The following VWCE variants were observed in gnomAD, a reference collection of about 807,000 sequenced individuals.
VWCE encodes von Willebrand factor C and EGF domain-containing protein.
A neutral mutation model predicts 102.9 loss-of-function variants in VWCE; 68 were observed. The observed-to-expected ratio is 0.66, with a 90% CI of 0.54 to 0.81. The LOEUF (loss-of-function observed/expected upper bound fraction) is 0.81, where lower values mean the gene tolerates loss of function less well. VWCE is among the 30% of genes least tolerant of loss of function. The pLI, the probability that VWCE is intolerant of heterozygous loss-of-function variation, is 0.00. For synonymous variants in VWCE, 497 were observed against 515.4 expected (o/e 0.96, Z 0.48); for missense variants, 1,137 against 1,263.6 (o/e 0.90, Z 1.52).
At chr11:61,270,267 G>A (rs764417234) in intron 14 of VWCE, among the ~76,000 whole-genome samples, 3 of 152,142 alleles carry the variant, frequency 2.0e-5, no homozygotes, top group Non-Finnish European at 4.4e-5. Flanking sequence ...CTAGAAGGCT[G>A]GGCTTCTCCC....
At chr11:61,292,185 T>C (rs1855525069) in intron 1 of VWCE, among the ~76,000 whole-genome samples, 2 of 150,930 alleles carry the variant, frequency 1.3e-5, no homozygotes, top group South Asian at 4.2e-4. Flanking sequence ...TTGGCGCCAC[T>C]GCCCTTCAGC....
At chr11:61,289,457 C>G (rs551770873) in intron 4 of VWCE, among the ~76,000 whole-genome samples, 1 of 151,802 alleles carries the variant, frequency 6.6e-6, no homozygotes, top group African/African-American at 2.4e-5. Context: ...ACCATGTTGG[C>G]CAGGCTGGTC....
intron 19 of VWCE, among the ~76,000 whole-genome samples, chr11:61,259,633 A>G (rs967893866): frequency 3.9e-5 from 6 of 152,198 alleles, no homozygotes; most frequent in East Asian, 1.9e-4. Flanking sequence ...CTAAACCTCA[A>G]TGTGAACTAT....
chr11:61,291,712 C>T (rs1855507455), intron 1 of VWCE, 136 bp from the exon 2 acceptor site: 1 of 737,334 alleles, frequency 1.4e-6, no homozygotes, highest in African/African-American at 1.8e-5. Flanking sequence ...TGGGAAGTTT[C>T]CAAAGAAAAA....
intron 14 of VWCE, among the ~76,000 whole-genome samples, chr11:61,270,912 C>T (rs955406501): frequency 6.6e-6 from 1 of 151,268 alleles, no homozygotes; most frequent in African/African-American, 2.4e-5. Context: ...ACTGCAGCCT[C>T]GACCTCCTGG....
rs1195842879 is a variant in VWCE, at chr11:61,280,833, C to T, written c.1190G>A (p.Ser397Asn). 2 of 1,557,222 alleles carry T rather than the reference C, an allele frequency of 1.3e-6. No homozygotes were observed. Among genetic ancestry groups the T allele is most frequent in the Non-Finnish European group, 1.7e-6 (2 of 1,152,442 alleles). Residue 397 changes from serine (S) to asparagine (N), a missense_variant, in exon 8 of 20, where the codon AGT (serine) becomes AAT (asparagine). Ser to Asn is a conservative substitution (Grantham distance 46). Coordinates refer to ENST00000335613, the MANE Select transcript of VWCE (RefSeq NM_152718.2). ...GGAACACCCAGGCTCTGTCCAGCGA[C>T]TCCTTGATTCATGCATGGCTCCCAG... Reference protein sequence around the residue: ...WHLGAMHESRSRWTEPGCSQC... With the variant: ...WHLGAMHESRNRWTEPGCSQC...
chr11:61,274,170 C>T lies in VWCE; in HGVS notation c.1581+329G>A, dbSNP rs7927754. 1.0e-2 allele frequency among the ~76,000 whole-genome samples: 1,522 copies of T among 152,214 alleles called. 27 individuals carry two copies. Among genetic ancestry groups the T allele is most frequent in the African/African-American group, 0.035 (1,439 of 41,550 alleles). On this transcript the variant is annotated intron_variant, in intron 12 of 19. Transcript: ENST00000335613. ...CCCTCCAGGTCTCTACTTAACATCC[C>T]GCCTTCCAAAAAGGCATCAGGAGCC...
intron 14 of VWCE, among the ~76,000 whole-genome samples, chr11:61,270,429 G>A (rs1022278064): frequency 1.3e-5 from 2 of 152,186 alleles, no homozygotes; most frequent in Non-Finnish European, 2.9e-5. Flanking sequence ...TAAAAGACTC[G>A]AAGCTCTTAA....
intron 5 of VWCE, among the ~76,000 whole-genome samples, chr11:61,284,223 G>T (rs1029031062): frequency 6.6e-6 from 1 of 151,770 alleles, no homozygotes; most frequent in African/African-American, 2.4e-5. Flanking sequence ...AAGAAAGAAA[G>T]AAGAAAAAAA....
chr11:61,294,939 G>T lies in VWCE; in HGVS notation c.99C>A (p.Phe33Leu). 1 of 1,442,914 alleles carries T rather than the reference G, an allele frequency of 6.9e-7. No individual in the cohort carries two copies. The highest frequency in any genetic ancestry group is 9.1e-7 in the Non-Finnish European group (1 of 1,096,762). 89.4% of individuals were successfully genotyped at this position (1,442,914 alleles called of 1,614,324 possible). ...CTCCGGGCGCTTACCTCTCGGCCGCGAAGTGCCCGGGCGGCTTCCTCCCGG... is the reference window on the plus strand; with the variant it reads ...CTCCGGGCGCTTACCTCTCGGCCGCTAAGTGCCCGGGCGGCTTCCTCCCGG... Reference protein sequence around the residue: ...GYTGRKPPGHFAAERRRLGPH... With the variant: ...GYTGRKPPGHLAAERRRLGPH... Residue 33 changes from phenylalanine (F) to leucine (L), a missense_variant, in exon 1 of 20, where the codon TTC (phenylalanine) becomes TTA (leucine). Transcript: ENST00000335613. The surrounding 1 kb of genome is among the most constrained non-coding windows in gnomAD (Gnocchi z 6.3).
rs1338752334 is a variant in VWCE at position 61,291,367 on chromosome 11, T to C, written c.206-14A>G. On this transcript the variant is annotated splice_polypyrimidine_tract_variant and intron_variant, in intron 2 of 19. Coordinates refer to ENST00000335613, the MANE Select transcript of VWCE (RefSeq NM_152718.2). ...AGGAGCAGAGGGCTGAGAGGAGAAGTGCAGGTGAGACACGAGGAACTGGGG... is the reference window on the plus strand; with the variant it reads ...AGGAGCAGAGGGCTGAGAGGAGAAGCGCAGGTGAGACACGAGGAACTGGGG... 6.2e-7 allele frequency: 1 copy of C among 1,610,152 alleles called. No individual in the cohort carries two copies. Among genetic ancestry groups the C allele is most frequent in the South Asian group, 1.1e-5 (1 of 90,096 alleles).
intron 14 of VWCE, 134 bp downstream of exon 14, chr11:61,271,541 T>C: frequency 2.6e-6 from 2 of 769,366 alleles, no homozygotes; most frequent in Non-Finnish European, 4.3e-6. Context: ...TTTGTGAAAG[T>C]GGAACTTGAC....
At chr11:61,287,783 A>G (rs540472843) in intron 4 of VWCE, among the ~76,000 whole-genome samples, 21 of 152,176 alleles carry the variant, frequency 1.4e-4, no homozygotes, top group Non-Finnish European at 1.9e-4. Flanking sequence ...GGCTCCTTGC[A>G]AACTGTACTG....
In VWCE at chr11:61,258,907, G is replaced by T; in HGVS notation, c.2636C>A (p.Ser879Tyr). The T allele has an allele frequency of 2.0e-6, 3 of 1,528,564 alleles. No individual in the cohort carries two copies. The Admixed American group carries it at 6.6e-5, about 34-fold the overall frequency. 94.7% of individuals were successfully genotyped at this position (1,528,564 alleles called of 1,614,324 possible). A position where few individuals can be genotyped will look rare whatever the true frequency, so the allele number is the denominator to read the frequency against. The change falls in exon 20 of 20, where the codon TCT (serine) becomes TAT (tyrosine). Residue 879 changes from serine (S) to tyrosine (Y), a missense_variant. Physicochemically the swap from Ser to Tyr is moderately radical, Grantham distance 144. Around this residue, in one of 5 missense-constraint regions of VWCE, gnomAD observed 316 missense variants for 319.3 expected, o/e 0.99. Coordinates refer to ENST00000335613, the MANE Select transcript of VWCE (RefSeq NM_152718.2). ...CCACCTGGACACTATCTGGGCCCCA[G>T]AGGCTGAGAACGAGCGCTCTGGAGT... ...PVTPERSFSA[S>Y]GAQIVSRWPP...
In VWCE at chr11:61,291,579, G is replaced by A; in HGVS notation, c.111-3C>T. Reference sequence around the variant, plus strand: ...AGACGTGGGGGCCCAGTCGGCGTCTGCAAGAGAAGAGAGAGCACTTTCCTC... The same window carrying A: ...AGACGTGGGGGCCCAGTCGGCGTCTACAAGAGAAGAGAGAGCACTTTCCTC... On this transcript the variant is annotated splice_region_variant and splice_polypyrimidine_tract_variant and intron_variant, in intron 1 of 19. Coordinates refer to ENST00000335613, the MANE Select transcript of VWCE (RefSeq NM_152718.2). 1 of 1,436,492 alleles carries A rather than the reference G, an allele frequency of 7.0e-7. No individual in the cohort carries two copies. The highest frequency in any genetic ancestry group is 9.2e-7 in the Non-Finnish European group (1 of 1,089,526). 89.0% of individuals were successfully genotyped at this position (1,436,492 alleles called of 1,614,324 possible).
chr11:61,282,763 A>C, intron 6 of VWCE, 26 bp downstream of exon 6: 1 of 1,593,706 alleles, frequency 6.3e-7, no homozygotes. Flanking sequence ...CTAAGTGTGC[A>C]GACCACAGGG....
Position 61,271,678 on chromosome 11 carries a change from G to A in VWCE, c.1782C>T (p.Cys594=), listed in dbSNP as rs763024533. 49 of 1,611,880 alleles carry A rather than the reference G, an allele frequency of 3.0e-5. No individual in the cohort carries two copies. The highest frequency in any genetic ancestry group is 4.0e-5 in the Non-Finnish European group (47 of 1,179,124). ...SPGDPCELCI[C]QADGSVSCKR... ...AGGCGAGCAGGTTGTCATTCACCTG[G>A]CAGATGCATAACTCACAGGGGTCAC... Residue 594 remains cysteine (C), a synonymous_variant, in exon 14 of 20, where the codon TGC becomes TGT. Coordinates refer to ENST00000335613, the MANE Select transcript of VWCE (RefSeq NM_152718.2).
At chr11:61,286,911 C>T (rs1370974654) in intron 4 of VWCE, among the ~76,000 whole-genome samples, 2 of 152,062 alleles carry the variant, frequency 1.3e-5, no homozygotes, top group African/African-American at 2.4e-5. Context: ...TCCTGGCTAA[C>T]ATGGTGAAAC....
Position 61,259,118 on chromosome 11 carries a change from T to C in VWCE, c.2425A>G (p.Lys809Glu), listed in dbSNP as rs765404578. Residue 809 changes from lysine to glutamate, a missense_variant, in exon 20 of 20, where the codon AAA becomes GAA. Lys to Glu is a moderately conservative substitution (Grantham distance 56). Transcript: ENST00000335613. ...GGGCTTGTAGGTAAAGTCTGTGTTT[T>C]CATCAAGTTCGTTCTTAAAAGGAGC... The part of the protein sequence containing the change: ...LQLLLRTNLM[K>E]TQTLPTSPAG... 1.9e-6 allele frequency: 3 copies of C among 1,614,108 alleles called. No individual in the cohort carries two copies. The highest frequency in any genetic ancestry group is 2.5e-6 in the Non-Finnish European group (3 of 1,179,992).
Sources: gnomAD v4.1 joint callset for allele counts (sites outside exome capture counted in the v4.1 genomes callset) on GRCh38, gnomAD v4.1.1 for gene constraint, gnomAD v4.1.1 regional missense constraint, Gnocchi (gnomAD v3.1) non-coding constraint, MANE v1.5 for transcripts, NCBI Gene and HGNC (gene_info 2026-07-23, HGNC 2026-07-21) for gene names.